The following RASGRF2 variants were observed in gnomAD, a reference collection of about 807,000 sequenced individuals.
RASGRF2 encodes the protein Ras protein specific guanine nucleotide releasing factor 2.
A neutral mutation model predicts 151.0 loss-of-function variants in RASGRF2; 76 were observed. That is an observed-to-expected ratio of 0.50 (90% CI 0.42 to 0.61). RASGRF2 has a LOEUF of 0.61. RASGRF2 is among the 20% of genes least tolerant of loss of function. The probability of loss-of-function intolerance (pLI) is 0.00; values close to 1 mark genes in which losing one functional copy is unlikely to be tolerated. For synonymous variants in RASGRF2, 504 were observed against 566.5 expected, an observed-to-expected ratio of 0.89 and a Z score of 1.57; for missense variants, 1,148 against 1,564.6, an observed-to-expected ratio of 0.73 and a Z score of 4.49.
chr5:81,031,474 A>G (rs1351025110), intron 1 of RASGRF2, among the ~76,000 whole-genome samples: 23 of 152,248 alleles, frequency 1.5e-4, no homozygotes, highest in African/African-American at 2.6e-4. Flanking sequence ...GCACTCAAAC[A>G]AGAACTCAGG....
intron 1 of RASGRF2, among the ~76,000 whole-genome samples, chr5:80,990,218 G>GTTTTTTTTT (rs10558206): frequency 7.3e-6 from 1 of 137,924 alleles, no homozygotes; most frequent in African/African-American, 2.8e-5. Flanking sequence ...ACTGCCAGAT[G>GTTTTTTTTT]TTTTTTTTTT....
chr5:81,139,672 A>G (rs1287866888), intron 17 of RASGRF2, among the ~76,000 whole-genome samples: 1 of 152,124 alleles, frequency 6.6e-6, no homozygotes, highest in East Asian at 1.9e-4. Context: ...GTCCTTGTCA[A>G]GCAGGGGAAC....
chr5:81,046,863 G>A (rs1260084610), intron 2 of RASGRF2, among the ~76,000 whole-genome samples: 2 of 152,078 alleles, frequency 1.3e-5, no homozygotes, highest in South Asian at 2.1e-4. Flanking sequence ...CAGCAGTTAG[G>A]AGATAGTCAT....
At chr5:81,212,586 G>T in intron 23 of RASGRF2, 23 bp downstream of exon 23, 1 of 1,580,406 alleles carries the variant, frequency 6.3e-7, no homozygotes, top group Non-Finnish European at 8.6e-7. Flanking sequence ...GTGTGACACA[G>T]CCTGCTGCTA....
intron 17 of RASGRF2, among the ~76,000 whole-genome samples, chr5:81,172,823 A>G (rs916634537): frequency 6.6e-6 from 1 of 152,096 alleles, no homozygotes; most frequent in African/African-American, 2.4e-5. Flanking sequence ...TCTTCAGTGG[A>G]AGTTTCCAGA....
At chr5:80,974,362 C>T (rs1748040268) in intron 1 of RASGRF2, among the ~76,000 whole-genome samples, 3 of 152,240 alleles carry the variant, frequency 2.0e-5, no homozygotes, top group Admixed American at 1.3e-4. Context: ...TCTGCAAGAA[C>T]ATCTATCTGC....
intron 1 of RASGRF2, among the ~76,000 whole-genome samples, chr5:80,998,341 C>T (rs1412249086): frequency 6.6e-6 from 1 of 152,170 alleles, no homozygotes; most frequent in Non-Finnish European, 1.5e-5. Flanking sequence ...CTTCCTCCCA[C>T]CTTTACTGTG....
chr5:81,035,014 A>C (rs969827415), intron 1 of RASGRF2, among the ~76,000 whole-genome samples: 3 of 152,208 alleles, frequency 2.0e-5, no homozygotes, highest in Non-Finnish European at 4.4e-5. Flanking sequence ...AAACACTTTT[A>C]CACTGTTGGT....
In RASGRF2 at chr5:81,068,192, C is replaced by T; in HGVS notation, c.543+13C>T. 1 of 1,603,748 alleles carries T rather than the reference C, an allele frequency of 6.2e-7. No homozygotes were observed. Among genetic ancestry groups the T allele is most frequent in the East Asian group, 2.2e-5 (1 of 44,762 alleles). The stretch of plus-strand genomic sequence containing the variant: ...GCTTAAATCAGAGGTATTTCCCAGT[C>T]AATAGATTCCTTCTCATTGTTTCAC... On this transcript the variant is annotated intron_variant, in intron 3 of 26. Coordinates refer to ENST00000265080, the MANE Select transcript of RASGRF2 (RefSeq NM_006909.3).
intron 1 of RASGRF2, among the ~76,000 whole-genome samples, chr5:81,038,970 T>C (rs909024016): frequency 1.4e-4 from 21 of 152,252 alleles, no homozygotes; most frequent in African/African-American, 5.1e-4. Context: ...GTATCATTTG[T>C]TGTATAAAAG....
intron 1 of RASGRF2, among the ~76,000 whole-genome samples, chr5:81,034,234 C>G (rs1750382449): frequency 6.6e-6 from 1 of 152,158 alleles, no homozygotes; most frequent in Admixed American, 6.5e-5. Flanking sequence ...AAATGCAAAT[C>G]AAAACCACAA....
chr5:80,989,384 A>C (rs375977497), intron 1 of RASGRF2, among the ~76,000 whole-genome samples: 2 of 152,324 alleles, frequency 1.3e-5, no homozygotes, highest in South Asian at 2.1e-4. Flanking sequence ...GCCTTACCTA[A>C]GGGTACCAGA....
At chr5:81,104,771 A>G (rs1438726128) in intron 12 of RASGRF2, among the ~76,000 whole-genome samples, 1 of 152,204 alleles carries the variant, frequency 6.6e-6, no homozygotes, top group Non-Finnish European at 1.5e-5. Context: ...AAAACAGAAG[A>G]GACACACAGC....
intron 7 of RASGRF2, among the ~76,000 whole-genome samples, chr5:81,084,699 G>GGTA (rs1752179281): frequency 6.6e-6 from 1 of 152,188 alleles, no homozygotes; most frequent in Non-Finnish European, 1.5e-5. Context: ...CAGATCCCTA[G>GGTA]GTAGGGCCAC....
At chr5:81,216,845 C>T (rs988953886) in intron 24 of RASGRF2, 17 of 328,280 alleles carry the variant, frequency 5.2e-5, no homozygotes, top group South Asian at 7.4e-5. Context: ...AACAGTGTCT[C>T]ACCTTAGTCT....
intron 4 of RASGRF2, 50 bp from the exon 5 acceptor site, chr5:81,073,149 A>T: frequency 6.5e-7 from 1 of 1,545,346 alleles, no homozygotes; most frequent in Non-Finnish European, 8.8e-7. Context: ...TTCCATAAAT[A>T]AATCACCATT....
intron 2 of RASGRF2, among the ~76,000 whole-genome samples, chr5:81,048,405 A>T (rs781305222): frequency 2.0e-5 from 3 of 152,184 alleles, no homozygotes; most frequent in Non-Finnish European, 2.9e-5. Context: ...AAGAGAAGGG[A>T]TACTACTAAA....
chr5:81,045,561 G>A (rs1482599403), intron 2 of RASGRF2, among the ~76,000 whole-genome samples: 1 of 152,118 alleles, frequency 6.6e-6, no homozygotes, highest in Non-Finnish European at 1.5e-5. Flanking sequence ...ATACAATGGT[G>A]AAAATTCTTT....
chr5:80,978,306 A>T (rs1295625897), intron 1 of RASGRF2, among the ~76,000 whole-genome samples: 1 of 152,182 alleles, frequency 6.6e-6, no homozygotes, highest in Non-Finnish European at 1.5e-5. Flanking sequence ...AACATTTTTA[A>T]AAAGCAGTTT....
Sources: gnomAD v4.1 joint callset for allele counts (sites outside exome capture counted in the v4.1 genomes callset) on GRCh38, gnomAD v4.1.1 for gene constraint, MANE v1.5 for transcripts, NCBI Gene and HGNC (gene_info 2026-07-23, HGNC 2026-07-21) for gene names.